Variants in MAF observed in about 807,000 individuals in gnomAD.
MAF encodes transcription factor Maf.
In MAF, 10 loss-of-function variants were observed where a neutral mutation model predicts 22.0. The ratio of observed to expected loss-of-function variants is 0.45; its 90% CI spans 0.28 to 0.77. MAF has a LOEUF of 0.77. Ranked by LOEUF, MAF falls within the 30% of genes least tolerant of loss-of-function variation. The probability of loss-of-function intolerance (pLI) is 0.12; values close to 1 mark genes in which losing one functional copy is unlikely to be tolerated. For synonymous variants in MAF, 337 were observed against 255.8 expected, an observed-to-expected ratio of 1.32 and a Z score of -3.03; for missense variants, 544 against 548.4, an observed-to-expected ratio of 0.99 and a Z score of 0.08.
At chr16:79,290,375 C>G in the MAF span, among the ~76,000 whole-genome samples, 1 of 152,212 alleles carries the variant, frequency 6.6e-6, no homozygotes, top group Admixed American at 6.5e-5. Flanking sequence ...GGACTAGTTA[C>G]ATGGGTCATC....
chr16:79,245,487 C>A, the MAF span, among the ~76,000 whole-genome samples: 1 of 151,976 alleles, frequency 6.6e-6, no homozygotes, highest in Non-Finnish European at 1.5e-5. Flanking sequence ...TAGAGAAATG[C>A]AAATTGAAAC....
At chr16:79,464,526 A>T in the MAF span, among the ~76,000 whole-genome samples, 1 of 152,326 alleles carries the variant, frequency 6.6e-6, no homozygotes, top group South Asian at 2.1e-4. Flanking sequence ...AAATGTCAGT[A>T]AGGAACTCAG....
the MAF span, among the ~76,000 whole-genome samples, chr16:79,424,282 A>G: frequency 6.6e-6 from 1 of 152,162 alleles, no homozygotes; most frequent in South Asian, 2.1e-4. Flanking sequence ...AGTTACCACT[A>G]AGAAACAGAA....
At chr16:79,466,166 G>A in the MAF span, among the ~76,000 whole-genome samples, 3 of 152,088 alleles carry the variant, frequency 2.0e-5, no homozygotes, top group Admixed American at 2.0e-4. Context: ...TGAAACACAG[G>A]GTTACTTTCC....
the MAF span, chr16:79,212,609 T>TTAAACCTCCTGC: frequency 6.3e-6 from 1 of 157,920 alleles, no homozygotes; most frequent in Non-Finnish European, 1.4e-5. Context: ...CACATTGTAC[T>TTAAACCTCCTGC]TAAACCTCCT....
chr16:79,249,084 G>T, the MAF span, among the ~76,000 whole-genome samples: 2 of 152,166 alleles, frequency 1.3e-5, no homozygotes, highest in African/African-American at 4.8e-5. Context: ...AAGTGGTAAG[G>T]TTATGAGGGC....
At chr16:79,488,407 T>A in the MAF span, among the ~76,000 whole-genome samples, 5 of 152,188 alleles carry the variant, frequency 3.3e-5, no homozygotes, top group East Asian at 9.7e-4. Flanking sequence ...TGGAGCTTGG[T>A]CCTGCCACCT....
chr16:79,378,807 T>C, the MAF span, among the ~76,000 whole-genome samples: 1 of 152,228 alleles, frequency 6.6e-6, no homozygotes, highest in Admixed American at 6.5e-5. Context: ...ATTACTGTTA[T>C]TGGCATTTTA....
chr16:79,569,898 G>C, the MAF span, among the ~76,000 whole-genome samples: 1 of 152,116 alleles, frequency 6.6e-6, no homozygotes, highest in Admixed American at 6.5e-5. Flanking sequence ...ATTGACGTTG[G>C]CTTCATGATC....
the MAF span, among the ~76,000 whole-genome samples, chr16:79,326,159 G>A: frequency 6.6e-6 from 1 of 152,100 alleles, no homozygotes; most frequent in Non-Finnish European, 1.5e-5. Flanking sequence ...ATTTTTTATA[G>A]ACTGAAGATT....
chr16:79,495,200 G>A, the MAF span, among the ~76,000 whole-genome samples: 2 of 152,310 alleles, frequency 1.3e-5, no homozygotes, highest in African/African-American at 4.8e-5. Context: ...GGTGGCTCAT[G>A]CCTGTAATCC....
the MAF span, among the ~76,000 whole-genome samples, chr16:79,446,808 C>A: frequency 3.1e-3 from 463 of 151,746 alleles, 3 homozygotes; most frequent in African/African-American, 0.011. Flanking sequence ...ACACAGGTTG[C>A]GAGTCAGGAG....
the MAF span, among the ~76,000 whole-genome samples, chr16:79,271,179 G>C: frequency 2.2e-4 from 34 of 151,544 alleles, no homozygotes; most frequent in Admixed American, 1.1e-3. Flanking sequence ...GCCTCCCAAA[G>C]TGCTGGGATT....
the MAF span, among the ~76,000 whole-genome samples, chr16:79,296,389 G>C: frequency 1.3e-5 from 2 of 152,138 alleles, no homozygotes; most frequent in Non-Finnish European, 2.9e-5. Flanking sequence ...TGTAGGGAGA[G>C]CATCAGGATA....
chr16:79,589,649 C>T (rs1213955124), downstream of MAF, among the ~76,000 whole-genome samples: 2 of 152,184 alleles, frequency 1.3e-5, no homozygotes, highest in South Asian at 4.1e-4. Context: ...CTTGCGGGAC[C>T]GAGTCTTGCT....
the MAF span, among the ~76,000 whole-genome samples, chr16:79,440,329 T>A: frequency 6.6e-6 from 1 of 152,224 alleles, no homozygotes; most frequent in African/African-American, 2.4e-5. Context: ...GTGAGTTGCC[T>A]TTGTACCAGT....
the MAF span, among the ~76,000 whole-genome samples, chr16:79,480,504 T>C: frequency 2.6e-5 from 4 of 152,066 alleles, no homozygotes; most frequent in East Asian, 7.7e-4. Flanking sequence ...GAAATCAGCA[T>C]GTAGGAGAAA....
chr16:79,280,804 A>T, the MAF span, among the ~76,000 whole-genome samples: 2 of 152,118 alleles, frequency 1.3e-5, no homozygotes, highest in African/African-American at 4.8e-5. Flanking sequence ...ACTCTCTCCC[A>T]TTGTACTCCT....
chr16:79,370,001 G>T, the MAF span, among the ~76,000 whole-genome samples: 1 of 152,176 alleles, frequency 6.6e-6, no homozygotes. Flanking sequence ...AAATGTCACG[G>T]AGGTGACTCA....
Sources: allele counts gnomAD v4.1 joint callset (sites outside exome capture counted in the v4.1 genomes callset), GRCh38; gene constraint gnomAD v4.1.1; transcripts MANE v1.5; gene names NCBI Gene and HGNC (gene_info 2026-07-23, HGNC 2026-07-21).